Variants in HYAL4 observed in about 807,000 individuals in gnomAD.
HYAL4 encodes hyaluronidase 4, also known as hyaluronidase-4.
Under a neutral mutation model 35.2 loss-of-function variants are expected in HYAL4, and 37 were observed. That is an observed-to-expected ratio of 1.05 (90% CI 0.81 to 1.38). The LOEUF is 1.38. HYAL4 is among the 40% of genes most tolerant of loss of function. HYAL4 has a pLI of 0.00. For synonymous variants in HYAL4, 198 were observed against 203.2 expected (o/e 0.97, Z 0.22); for missense variants, 572 against 572.4 (o/e 1.00, Z 0.01).
At chr7:123,801,286 G>T in the HYAL4 span, among the ~76,000 whole-genome samples, 1 of 152,142 alleles carries the variant, frequency 6.6e-6, no homozygotes, top group Non-Finnish European at 1.5e-5. Flanking sequence ...TTTTAAAAAT[G>T]ATTGTCTTTT....
At chr7:123,801,582 T>A in the HYAL4 span, among the ~76,000 whole-genome samples, 15 of 152,348 alleles carry the variant, frequency 9.8e-5, 1 homozygote, top group Middle Eastern at 6.8e-3. Context: ...TTCTAAGCAG[T>A]TTAAACGTTC....
intron 2 of HYAL4, among the ~76,000 whole-genome samples, chr7:123,853,856 C>T (rs771851371): frequency 3.9e-5 from 6 of 152,236 alleles, no homozygotes; most frequent in Non-Finnish European, 8.8e-5. Flanking sequence ...CCTTCTGGTC[C>T]TGGGCTTTTT....
chr7:123,850,445 T>C (rs1312289535), intron 2 of HYAL4, among the ~76,000 whole-genome samples: 3 of 152,164 alleles, frequency 2.0e-5, no homozygotes, highest in African/African-American at 7.2e-5. Context: ...TTTGCCATGT[T>C]GCTCAAGCTG....
upstream of HYAL4, among the ~76,000 whole-genome samples, chr7:123,824,787 A>G (rs1046676163): frequency 6.6e-6 from 1 of 152,136 alleles, no homozygotes; most frequent in Non-Finnish European, 1.5e-5. Flanking sequence ...GTTCTGTTAA[A>G]TTACATGAAG....
the HYAL4 span, among the ~76,000 whole-genome samples, chr7:123,782,052 C>T: frequency 2.7e-5 from 4 of 146,452 alleles, no homozygotes; most frequent in African/African-American, 7.5e-5. Context: ...AGACTATAGG[C>T]ACGCCATCAC....
At chr7:123,832,002 T>G (rs1805890494) in intron 1 of HYAL4, among the ~76,000 whole-genome samples, 1 of 152,196 alleles carries the variant, frequency 6.6e-6, no homozygotes, top group African/African-American at 2.4e-5. Flanking sequence ...ATATTCATTT[T>G]AGGTCTGCTT....
At chr7:123,803,418 T>C in the HYAL4 span, among the ~76,000 whole-genome samples, 1 of 152,222 alleles carries the variant, frequency 6.6e-6, no homozygotes, top group African/African-American at 2.4e-5. Context: ...TACTGATATC[T>C]TTAATCAGCA....
chr7:123,855,415 A>G (rs1806414319), intron 2 of HYAL4, among the ~76,000 whole-genome samples: 1 of 151,844 alleles, frequency 6.6e-6, no homozygotes, highest in Non-Finnish European at 1.5e-5. Flanking sequence ...AAAATCCCTC[A>G]GCGTTTGCTT....
At chr7:123,806,454 T>A in the HYAL4 span, among the ~76,000 whole-genome samples, 1 of 152,088 alleles carries the variant, frequency 6.6e-6, no homozygotes. Flanking sequence ...GCTTTCCTTT[T>A]TTTTTTGGGA....
chr7:123,791,428 T>C, the HYAL4 span, among the ~76,000 whole-genome samples: 1 of 152,264 alleles, frequency 6.6e-6, no homozygotes, highest in Non-Finnish European at 1.5e-5. Flanking sequence ...CAAGAGATGG[T>C]ATGCTTCTTT....
At chr7:123,859,568 A>C (rs1056048939) in intron 2 of HYAL4, among the ~76,000 whole-genome samples, 3 of 152,146 alleles carry the variant, frequency 2.0e-5, no homozygotes, top group African/African-American at 7.2e-5. Context: ...ATTTCCATTA[A>C]AAAAAATCAT....
rs1806792768 is a variant in HYAL4 at position 123,869,049 on chromosome 7, A to G, written c.776A>G (p.Tyr259Cys). The G allele has an allele frequency of 1.2e-6, 2 of 1,614,184 alleles. No individual in the cohort carries two copies. Among genetic ancestry groups the G allele is most frequent in the Non-Finnish European group, 1.7e-6 (2 of 1,180,030 alleles). Residue 259 changes from tyrosine to cysteine, a missense_variant, in exon 3 of 5, where the codon TAT (tyrosine) becomes TGT (cysteine). Coordinates refer to ENST00000223026, the MANE Select transcript of HYAL4 (RefSeq NM_012269.3). ...SWLWNSSAAL[Y>C]PSIGVWKSLG... Reference sequence around the variant, plus strand: ...CTCTGGAACAGCAGTGCTGCTTTATATCCTTCTATCGGTGTCTGGAAATCC... The same window carrying G: ...CTCTGGAACAGCAGTGCTGCTTTATGTCCTTCTATCGGTGTCTGGAAATCC...
chr7:123,791,985 C>T, the HYAL4 span, among the ~76,000 whole-genome samples: 1 of 152,300 alleles, frequency 6.6e-6, no homozygotes, highest in South Asian at 2.1e-4. Context: ...GCCAATCTCC[C>T]AAAGCCTCTA....
intron 3 of HYAL4, among the ~76,000 whole-genome samples, chr7:123,872,401 C>G (rs926430026): frequency 5.9e-5 from 9 of 152,192 alleles, no homozygotes; most frequent in Non-Finnish European, 1.2e-4. Context: ...CATGCTGTCT[C>G]CGGTAAGGCA....
the HYAL4 span, among the ~76,000 whole-genome samples, chr7:123,771,804 GTTT>G: frequency 1.5e-5 from 2 of 136,724 alleles, no homozygotes; most frequent in Non-Finnish European, 3.1e-5. Context: ...TTGGTTTGAG[GTTT>G]TTTTTTTTTT....
intron 3 of HYAL4, among the ~76,000 whole-genome samples, chr7:123,872,738 G>A (rs561995302): frequency 6.6e-6 from 1 of 152,218 alleles, no homozygotes; most frequent in South Asian, 2.1e-4. Context: ...TTCCTAGCTG[G>A]GTAGTGCCCT....
the HYAL4 span, among the ~76,000 whole-genome samples, chr7:123,798,188 A>C: frequency 6.6e-6 from 1 of 152,200 alleles, no homozygotes; most frequent in African/African-American, 2.4e-5. Context: ...GTAGTTACAG[A>C]GCTAGTTGCA....
chr7:123,875,075 G>A (rs921875965), intron 4 of HYAL4, among the ~76,000 whole-genome samples: 1 of 152,176 alleles, frequency 6.6e-6, no homozygotes, highest in African/African-American at 2.4e-5. Flanking sequence ...GTTGTGCTAA[G>A]AGATTTTTTG....
intron 2 of HYAL4, among the ~76,000 whole-genome samples, chr7:123,861,300 A>G (rs1806570895): frequency 6.6e-6 from 1 of 152,188 alleles, no homozygotes; most frequent in African/African-American, 2.4e-5. Context: ...GGACATTGGA[A>G]AGACTTAAAT....
Sources: gnomAD v4.1 joint callset for allele counts (sites outside exome capture counted in the v4.1 genomes callset) on GRCh38, gnomAD v4.1.1 for gene constraint, MANE v1.5 for transcripts, NCBI Gene and HGNC (gene_info 2026-07-23, HGNC 2026-07-21) for gene names.